The following MYO5B variants were observed in gnomAD, a reference collection of about 807,000 sequenced individuals.
MYO5B encodes the protein unconventional myosin-Vb.
In MYO5B, 143 loss-of-function variants were observed where a neutral mutation model predicts 229.3. The observed-to-expected ratio is 0.62, with a 90% CI of 0.54 to 0.72. The LOEUF is 0.72. Among genes scored for constraint, MYO5B ranks in the 30% least tolerant of loss-of-function variants. The pLI is 0.00. For synonymous variants in MYO5B, 918 were observed against 885.2 expected (o/e 1.04, Z -0.66); for missense variants, 2,321 against 2,331.0 (o/e 1.00, Z 0.09).
chr18:49,995,392 C>T (rs60279300), intron 5 of MYO5B, among the ~76,000 whole-genome samples: 5 of 150,724 alleles, frequency 3.3e-5, no homozygotes, highest in Non-Finnish European at 5.9e-5. Flanking sequence ...GTAGCTGGAA[C>T]TACAGGCGCC....
intron 12 of MYO5B, among the ~76,000 whole-genome samples, chr18:49,956,591 T>C (rs1051046555): frequency 1.3e-5 from 2 of 152,214 alleles, no homozygotes; most frequent in African/African-American, 4.8e-5. Flanking sequence ...AAAAATCTTA[T>C]ATTTTGATAA....
At chr18:49,842,773 T>G (rs1263162262) in intron 34 of MYO5B, among the ~76,000 whole-genome samples, 3 of 152,152 alleles carry the variant, frequency 2.0e-5, no homozygotes, top group African/African-American at 2.4e-5. Context: ...TGCCTCACCT[T>G]GGGAGGTGAT....
intron 8 of MYO5B, 142 bp downstream of exon 8, chr18:49,984,576 A>AGAT: frequency 4.2e-6 from 3 of 718,800 alleles, no homozygotes; most frequent in Non-Finnish European, 7.6e-6. Context: ...AGAGAGTAAG[A>AGAT]GATGACATTC....
intron 24 of MYO5B, 64 bp downstream of exon 24, chr18:49,878,881 G>A (rs1424105777): frequency 1.3e-5 from 20 of 1,582,658 alleles, no homozygotes; most frequent in Admixed American, 5.0e-5. Flanking sequence ...CTGAGATCAC[G>A]TGGTCAGAAG....
At chr18:49,849,421 T>TTC (rs2144052872) in intron 32 of MYO5B, 146 bp downstream of exon 32, 1 of 766,386 alleles carries the variant, frequency 1.3e-6, no homozygotes, top group East Asian at 2.4e-5. Context: ...GGGATCCAAC[T>TTC]TCTATCGCCT....
At chr18:49,957,142 CAAAAAA>C (rs71169467) in intron 12 of MYO5B, among the ~76,000 whole-genome samples, 2 of 58,736 alleles carry the variant, frequency 3.4e-5, no homozygotes, top group Non-Finnish European at 5.7e-5. Flanking sequence ...AATAAAGTAG[CAAAAAA>C]AAAAAAAAAA....
intron 1 of MYO5B, among the ~76,000 whole-genome samples, chr18:50,093,213 C>CAG (rs1319263945): frequency 3.4e-5 from 5 of 149,148 alleles, no homozygotes; most frequent in African/African-American, 1.0e-4. Context: ...CACAGACACA[C>CAG]ACACACACAC....
At chr18:49,902,964 C>A in intron 20 of MYO5B, 131 bp from the exon 21 acceptor site, 3 of 1,162,750 alleles carry the variant, frequency 2.6e-6, no homozygotes, top group Non-Finnish European at 2.4e-6. Context: ...AGACAATGTG[C>A]CCCCTAAGAT....
chr18:50,021,594 G>A (rs1393009008), intron 4 of MYO5B, among the ~76,000 whole-genome samples: 2 of 151,960 alleles, frequency 1.3e-5, no homozygotes, highest in Non-Finnish European at 1.5e-5. Flanking sequence ...TGGGTGTCAC[G>A]CTCTGTCTGA....
intron 16 of MYO5B, among the ~76,000 whole-genome samples, chr18:49,935,677 G>C (rs2025241536): frequency 1.3e-5 from 2 of 152,238 alleles, no homozygotes; most frequent in African/African-American, 4.8e-5. Context: ...GAGTTCTACA[G>C]ATTAGGGTGA....
intron 4 of MYO5B, among the ~76,000 whole-genome samples, chr18:50,011,108 C>T (rs1250788039): frequency 6.6e-6 from 1 of 152,032 alleles, no homozygotes; most frequent in African/African-American, 2.4e-5. Context: ...TTTGGGAGGC[C>T]GAGGCAGGCA....
intron 5 of MYO5B, among the ~76,000 whole-genome samples, chr18:49,995,757 C>T (rs909135597): frequency 1.3e-5 from 2 of 152,168 alleles, no homozygotes; most frequent in African/African-American, 4.8e-5. Flanking sequence ...ACAATATCAG[C>T]ATTTTGTAAC....
At chr18:49,939,283 C>T (rs1277882793) in intron 14 of MYO5B, among the ~76,000 whole-genome samples, 1 of 151,474 alleles carries the variant, frequency 6.6e-6, no homozygotes, top group African/African-American at 2.4e-5. Context: ...GTAGCTGGGA[C>T]TGCAGGCGTG....
In MYO5B at chr18:49,826,628, G is replaced by A. The variant is rs745917835; in HGVS notation, c.5395-5C>T. ...ATTCCGCTCTTGTAGTTGTGCCTAT[G>A]GGGAAGAATAAGACCATGTAAAGTT... On this transcript the variant is annotated splice_region_variant and splice_polypyrimidine_tract_variant and intron_variant, in intron 39 of 39. Coordinates refer to ENST00000285039, the MANE Select transcript of MYO5B (RefSeq NM_001080467.3). 4.3e-6 allele frequency: 7 copies of A among 1,612,768 alleles called. No individual in the cohort carries two copies. Among genetic ancestry groups the A allele is most frequent in the Non-Finnish European group, 5.9e-6 (7 of 1,179,790 alleles).
At chr18:49,935,821 G>C (rs1269602757) in intron 16 of MYO5B, among the ~76,000 whole-genome samples, 1 of 152,220 alleles carries the variant, frequency 6.6e-6, no homozygotes, top group African/African-American at 2.4e-5. Flanking sequence ...CTTAGCAGCA[G>C]ATGGGAATGT....
rs139703117 is a variant in MYO5B, at chr18:50,038,256, G to T, written c.311-1262C>A. Reference sequence around the variant, plus strand: ...AACCAGAAGCCTTTCCAGTCACTTGGGAAGGAGAAGGCAATGAAAGGGCGA... The same window carrying T: ...AACCAGAAGCCTTTCCAGTCACTTGTGAAGGAGAAGGCAATGAAAGGGCGA... On this transcript the variant is annotated intron_variant, in intron 3 of 39. Coordinates refer to ENST00000285039, the MANE Select transcript of MYO5B (RefSeq NM_001080467.3). 1.1e-4 allele frequency among the ~76,000 whole-genome samples: 17 copies of T among 152,294 alleles called. No individual in the cohort carries two copies. In the East Asian group the frequency reaches 2.9e-3, roughly 26 times the overall value.
intron 1 of MYO5B, among the ~76,000 whole-genome samples, chr18:50,150,577 G>A (rs571922424): frequency 0.014 from 2,048 of 151,680 alleles, 17 homozygotes; most frequent in African/African-American, 0.022. Context: ...GTAAACTATC[G>A]CAAGAACAAA....
intron 1 of MYO5B, among the ~76,000 whole-genome samples, chr18:50,103,612 G>A (rs947531316): frequency 2.6e-5 from 4 of 152,120 alleles, no homozygotes; most frequent in South Asian, 2.1e-4. Flanking sequence ...AGCCAGACAC[G>A]GTGGTGTGCA....
intron 24 of MYO5B, among the ~76,000 whole-genome samples, chr18:49,878,118 G>A (rs1259269033): frequency 6.6e-6 from 1 of 151,818 alleles, no homozygotes; most frequent in Non-Finnish European, 1.5e-5. Flanking sequence ...CTAACACTTG[G>A]GTCAATTTCT....
Sources: allele counts gnomAD v4.1 joint callset (sites outside exome capture counted in the v4.1 genomes callset), GRCh38; gene constraint gnomAD v4.1.1; transcripts MANE v1.5; gene names NCBI Gene and HGNC (gene_info 2026-07-23, HGNC 2026-07-21).